FGD6: variants seen among roughly 807,000 people sequenced by gnomAD.
The protein encoded by FGD6 is FYVE, RhoGEF and PH domain-containing protein 6.
In FGD6, 90 loss-of-function variants were observed where a neutral mutation model predicts 149.4. The observed-to-expected ratio is 0.60, with a 90% CI of 0.51 to 0.72. The LOEUF (loss-of-function observed/expected upper bound fraction) is 0.72, where lower values mean the gene tolerates loss of function less well. Among genes scored for constraint, FGD6 ranks in the 30% least tolerant of loss-of-function variants. The pLI is 0.00. For missense variants in FGD6, 1,437 were observed against 1,684.8 expected, an observed-to-expected ratio of 0.85 and a Z score of 2.57; for synonymous variants, 527 against 584.0, an observed-to-expected ratio of 0.90 and a Z score of 1.41.
chr12:95,190,586 T>C (rs1881560219), intron 2 of FGD6, among the ~76,000 whole-genome samples: 1 of 151,794 alleles, frequency 6.6e-6, no homozygotes, highest in Non-Finnish European at 1.5e-5. Flanking sequence ...GAAAAAACTG[T>C]ATTTTATTTA....
chr12:95,199,345 G>A (rs1158464290), intron 2 of FGD6, among the ~76,000 whole-genome samples: 1 of 151,816 alleles, frequency 6.6e-6, no homozygotes, highest in African/African-American at 2.4e-5. Flanking sequence ...ATCATTAACA[G>A]ACATATGTTA....
At chr12:95,082,150 T>C (rs1477572193) in intron 20 of FGD6, among the ~76,000 whole-genome samples, 1 of 152,344 alleles carries the variant, frequency 6.6e-6, no homozygotes, top group East Asian at 1.9e-4. Context: ...TTAATTTATT[T>C]TGGAAGTTGA....
intron 2 of FGD6, among the ~76,000 whole-genome samples, chr12:95,175,470 G>A (rs552167090): frequency 6.6e-6 from 1 of 152,262 alleles, no homozygotes; most frequent in South Asian, 2.1e-4. Context: ...TCAGGGCCGG[G>A]TATGGTGGCT....
At chr12:95,101,582 C>G (rs539743159) in intron 14 of FGD6, among the ~76,000 whole-genome samples, 1 of 152,066 alleles carries the variant, frequency 6.6e-6, no homozygotes, top group African/African-American at 2.4e-5. Context: ...ATAGGCATTT[C>G]TGCCTTGGAA....
At chr12:95,184,906 C>A (rs1881386545) in intron 2 of FGD6, among the ~76,000 whole-genome samples, 1 of 149,202 alleles carries the variant, frequency 6.7e-6, no homozygotes, top group Non-Finnish European at 1.5e-5. Flanking sequence ...CGGAGTCTCA[C>A]TCTGTCATCC....
chr12:95,178,234 TC>T (rs1881188023), intron 2 of FGD6, among the ~76,000 whole-genome samples: 1 of 152,120 alleles, frequency 6.6e-6, no homozygotes, highest in African/African-American at 2.4e-5. Context: ...GCCATTTGCA[TC>T]CTCCAAAAAG....
At chr12:95,149,484 ATATAT>A (rs1030241500) in intron 5 of FGD6, among the ~76,000 whole-genome samples, 2 of 135,818 alleles carry the variant, frequency 1.5e-5, no homozygotes, top group Non-Finnish European at 3.1e-5. Context: ...TATATATCAC[ATATAT>A]TATACATAAT....
At chr12:95,181,650 C>G (rs1450706917) in intron 2 of FGD6, among the ~76,000 whole-genome samples, 3 of 152,104 alleles carry the variant, frequency 2.0e-5, no homozygotes, top group Non-Finnish European at 4.4e-5. Flanking sequence ...GAGGTTGCCT[C>G]CAATAAAATA....
At chr12:95,133,883 G>C (rs1879591619) in intron 8 of FGD6, among the ~76,000 whole-genome samples, 1 of 152,104 alleles carries the variant, frequency 6.6e-6, no homozygotes. Flanking sequence ...GCAAGGCTAT[G>C]GTGAGGATTT....
chr12:95,115,228 T>C (rs1237516985), intron 8 of FGD6, among the ~76,000 whole-genome samples: 1 of 152,152 alleles, frequency 6.6e-6, no homozygotes, highest in Non-Finnish European at 1.5e-5. Flanking sequence ...AAATGCTTAC[T>C]GAATAAAAAC....
chr12:95,178,038 TGACAGCATGAGCCACC>T (rs1289304789), intron 2 of FGD6, among the ~76,000 whole-genome samples: 1 of 152,010 alleles, frequency 6.6e-6, no homozygotes, highest in African/African-American at 2.4e-5. Flanking sequence ...AGTGCTGGGA[TGACAGCATGAGCCACC>T]GTGCCTAAAA....
intron 9 of FGD6, among the ~76,000 whole-genome samples, chr12:95,110,671 C>T (rs147074574): frequency 1.2e-4 from 19 of 152,102 alleles, no homozygotes; most frequent in Non-Finnish European, 2.4e-4. Context: ...TCAGAATTTA[C>T]GGTGCCTGGT....
At chr12:95,082,984 T>TAAAAAAAAA (rs1173446654) in intron 20 of FGD6, among the ~76,000 whole-genome samples, 2 of 31,112 alleles carry the variant, frequency 6.4e-5, no homozygotes, top group Admixed American at 6.4e-4. Context: ...CTGTCTCCAT[T>TAAAAAAAAA]AAAAAAAAAA....
rs994618205 is a variant in FGD6 at position 95,079,982 on chromosome 12, G to A, written c.*1538C>T. ...TTTTTTTTTTTTGAGATGGAGTCTC[G>A]CTCTGTCATCCCAGGCTGGAGTGCA... On this transcript the variant is annotated 3_prime_UTR_variant, in exon 21 of 21. Transcript: ENST00000343958. 5 of 128,790 alleles carry A rather than the reference G, an allele frequency of 3.9e-5. No homozygotes were observed. The highest frequency in any genetic ancestry group is 6.0e-5 in the African/African-American group (2 of 33,218). 8.0% of individuals were successfully genotyped at this position (128,790 alleles called of 1,614,324 possible). A position where few individuals can be genotyped will look rare whatever the true frequency, so the allele number is the denominator to read the frequency against.
intron 2 of FGD6, among the ~76,000 whole-genome samples, chr12:95,186,181 T>C (rs1397774084): frequency 1.3e-5 from 2 of 150,176 alleles, no homozygotes; most frequent in Non-Finnish European, 3.0e-5. Context: ...ACCTGCTGCC[T>C]GTTTTTGTAA....
intron 3 of FGD6, among the ~76,000 whole-genome samples, chr12:95,166,320 T>C (rs771105205): frequency 2.5e-4 from 38 of 152,244 alleles, no homozygotes; most frequent in Non-Finnish European, 5.1e-4. Context: ...AATCTTCCAT[T>C]AGCACTATTG....
chr12:95,134,399 T>C (rs1879608020), intron 8 of FGD6, among the ~76,000 whole-genome samples: 1 of 152,110 alleles, frequency 6.6e-6, no homozygotes, highest in South Asian at 2.1e-4. Flanking sequence ...TCTCGAGTAG[T>C]TGGGGAACGT....
rs140490924 is a variant in FGD6 at position 95,210,797 on chromosome 12, C to T, written c.487G>A (p.Gly163Ser). ...CCACCCTGGTTCTTGGCTTTTTCAC[C>T]ATACAAATCACATTTACTCCTAGTT... ...IKTRSKCDLY[G>S]EKAKNQGGVV... The change falls in exon 2 of 21, where the codon GGT becomes AGT. Residue 163 changes from glycine to serine, a missense_variant. Gly to Ser is a moderately conservative substitution (Grantham distance 56). Transcript: ENST00000343958. 4.1e-5 allele frequency: 66 copies of T among 1,613,938 alleles called. No individual in the cohort carries two copies. The African/African-American group carries it at 7.7e-4, about 19-fold the overall frequency.
chr12:95,123,808 C>T (rs532870221), intron 8 of FGD6, among the ~76,000 whole-genome samples: 27 of 152,176 alleles, frequency 1.8e-4, no homozygotes, highest in Middle Eastern at 6.8e-3. Flanking sequence ...GTGATCCACC[C>T]GCCTCGGCCT....
Sources: allele counts gnomAD v4.1 joint callset (sites outside exome capture counted in the v4.1 genomes callset), GRCh38; gene constraint gnomAD v4.1.1; transcripts MANE v1.5; gene names NCBI Gene and HGNC (gene_info 2026-07-23, HGNC 2026-07-21).